TECRL: variants seen among roughly 807,000 people sequenced by gnomAD.
The protein encoded by TECRL is trans-2,3-enoyl-CoA reductase-like.
Under a neutral mutation model 52.8 loss-of-function variants are expected in TECRL, and 63 were observed. That is an observed-to-expected ratio of 1.19 (90% CI 0.97 to 1.47). TECRL has a LOEUF of 1.47. Ranked by LOEUF, TECRL falls within the 40% of genes most tolerant of loss-of-function variation. The probability of loss-of-function intolerance (pLI) is 0.00; values close to 1 mark genes in which losing one functional copy is unlikely to be tolerated. For synonymous variants in TECRL, 164 were observed against 141.9 expected (o/e 1.16, Z -1.10); for missense variants, 482 against 429.6 (o/e 1.12, Z -1.08).
chr4:64,364,869 T>TC (rs67794806), intron 2 of TECRL, among the ~76,000 whole-genome samples: 34,677 of 151,500 alleles, frequency 0.23, 4,127 homozygotes, highest in Middle Eastern at 0.3. Flanking sequence ...TATTTTTTTT[T>TC]CATTGAGGAA....
intron 8 of TECRL, among the ~76,000 whole-genome samples, chr4:64,297,154 AT>A (rs1233951619): frequency 1.3e-5 from 2 of 151,484 alleles, no homozygotes; most frequent in Non-Finnish European, 3.0e-5. Flanking sequence ...TTTGCTTAAT[AT>A]GTTAGAAAAC....
Position 64,335,376 on chromosome 4 carries a change from A to T in TECRL, c.287-6820T>A, listed in dbSNP as rs376881429. On this transcript the variant is annotated intron_variant, in intron 2 of 11. Coordinates refer to ENST00000381210, the MANE Select transcript of TECRL (RefSeq NM_001010874.5). Reference sequence around the variant, plus strand: ...TAATGCCTAATGGTCACTATCTCCTATCACCCCAAGAGGACACTGTCTAGT... The same window carrying T: ...TAATGCCTAATGGTCACTATCTCCTTTCACCCCAAGAGGACACTGTCTAGT... Among the ~76,000 whole-genome samples the T allele has an allele frequency of 8.5e-5, 13 of 152,322 alleles. No individual in the cohort carries two copies. The South Asian group carries it at 2.5e-3, about 29-fold the overall frequency.
chr4:64,361,161 TTTCACCAGC>T (rs1721165742), intron 2 of TECRL, among the ~76,000 whole-genome samples: 1 of 152,064 alleles, frequency 6.6e-6, no homozygotes. Flanking sequence ...CTGCCATAGC[TTTCACCAGC>T]TGACCCTGAC....
intron 1 of TECRL, among the ~76,000 whole-genome samples, chr4:64,399,928 C>G (rs1004916803): frequency 7.9e-5 from 12 of 152,164 alleles, no homozygotes; most frequent in African/African-American, 2.9e-4. Context: ...AGTCTCCACG[C>G]AGAGTCCTCA....
At chr4:64,397,155 C>G (rs949294306) in intron 1 of TECRL, among the ~76,000 whole-genome samples, 10 of 152,068 alleles carry the variant, frequency 6.6e-5, no homozygotes, top group Admixed American at 2.6e-4. Flanking sequence ...GTGTGTCATG[C>G]ACATTTTCAG....
intron 2 of TECRL, among the ~76,000 whole-genome samples, chr4:64,356,132 A>G (rs1050271428): frequency 6.6e-5 from 10 of 152,188 alleles, no homozygotes; most frequent in African/African-American, 9.6e-5. Context: ...AGTCATCGCC[A>G]TTCTCTAATC....
At chr4:64,319,236 G>A (rs1316318739) in intron 4 of TECRL, among the ~76,000 whole-genome samples, 2 of 151,538 alleles carry the variant, frequency 1.3e-5, no homozygotes, top group Non-Finnish European at 3.0e-5. Flanking sequence ...AGAGAAATAA[G>A]GGTTATAGAA....
At position 64,367,909 on chromosome 4, in the gene TECRL, G is replaced by A. The variant is rs1444254749; in HGVS notation, c.286+7263C>T. ...TTTTGTTATGCTCAACTGTGGGAAG[G>A]GAGTTCATAATTTAGTTTCTTTGTC... On this transcript the variant is annotated intron_variant, in intron 2 of 11. Coordinates refer to ENST00000381210, the MANE Select transcript of TECRL (RefSeq NM_001010874.5). Among the ~76,000 whole-genome samples the A allele has an allele frequency of 2.0e-5, 3 of 152,070 alleles. No individual in the cohort carries two copies. The East Asian group carries it at 5.8e-4, about 29-fold the overall frequency.
At chr4:64,315,764 T>C (rs548334429) in intron 4 of TECRL, among the ~76,000 whole-genome samples, 16 of 152,040 alleles carry the variant, frequency 1.1e-4, no homozygotes, top group African/African-American at 3.9e-4. Flanking sequence ...TGCATATATG[T>C]GTGTAATTAA....
At chr4:64,403,628 A>C (rs1459445827) in intron 1 of TECRL, among the ~76,000 whole-genome samples, 1 of 152,056 alleles carries the variant, frequency 6.6e-6, no homozygotes, top group East Asian at 1.9e-4. Context: ...AAAATGAATA[A>C]AAGTCAGAGA....
At chr4:64,277,098 T>TAAG, downstream of TECRL, 1 of 1,359,482 alleles carries the variant, frequency 7.4e-7, no homozygotes, top group Non-Finnish European at 1.0e-6. Flanking sequence ...ATTTCATAAT[T>TAAG]AAGATATCCT....
At chr4:64,335,613 C>T (rs1719016863) in intron 2 of TECRL, among the ~76,000 whole-genome samples, 1 of 152,142 alleles carries the variant, frequency 6.6e-6, no homozygotes, top group African/African-American at 2.4e-5. Flanking sequence ...AGGTTGGGGA[C>T]TGCTGCTTTA....
At chr4:64,372,879 T>TAAGTATATG (rs1722077901) in intron 2 of TECRL, among the ~76,000 whole-genome samples, 1 of 151,714 alleles carries the variant, frequency 6.6e-6, no homozygotes, top group Admixed American at 6.6e-5. Flanking sequence ...TGTGGCTTTG[T>TAAGTATATG]AAGTATATGA....
chr4:64,387,741 T>C (rs997765617), intron 1 of TECRL, among the ~76,000 whole-genome samples: 2 of 152,072 alleles, frequency 1.3e-5, no homozygotes, highest in Non-Finnish European at 2.9e-5. Context: ...GTAAAAGGGT[T>C]GTTTGGCTTT....
intron 1 of TECRL, chr4:64,397,815 G>A (rs6846369): frequency 0.64 from 97,343 of 151,872 alleles, 32,475 homozygotes; most frequent in Non-Finnish European, 0.74. Flanking sequence ...AAGCCACTTG[G>A]TATTTTATAT....
At chr4:64,350,757 C>T (rs73230417) in intron 2 of TECRL, among the ~76,000 whole-genome samples, 1,728 of 151,802 alleles carry the variant, frequency 0.011, 46 homozygotes, top group African/African-American at 0.04. Flanking sequence ...CCAGTCTGCC[C>T]GCCTATCCCA....
intron 9 of TECRL, among the ~76,000 whole-genome samples, chr4:64,285,761 C>G (rs1345506246): frequency 1.3e-5 from 2 of 151,890 alleles, no homozygotes; most frequent in Admixed American, 6.6e-5. Flanking sequence ...TTAGTTGAGG[C>G]CAGAGGTTGT....
chr4:64,310,885 AT>A (rs1161530524), intron 5 of TECRL, among the ~76,000 whole-genome samples: 1 of 151,920 alleles, frequency 6.6e-6, no homozygotes, highest in Admixed American at 6.6e-5. Flanking sequence ...TGCCCGGCTA[AT>A]TTTTTTGTAT....
At chr4:64,291,264 C>A (rs1016385309) in intron 8 of TECRL, among the ~76,000 whole-genome samples, 1 of 152,026 alleles carries the variant, frequency 6.6e-6, no homozygotes. Context: ...TTTTAGTTAT[C>A]AATTTAATCA....
Sources: allele counts gnomAD v4.1 joint callset (sites outside exome capture counted in the v4.1 genomes callset), GRCh38; gene constraint gnomAD v4.1.1; transcripts MANE v1.5; gene names NCBI Gene and HGNC (gene_info 2026-07-23, HGNC 2026-07-21).